The following BAZ1A variants were observed in gnomAD, a reference collection of about 807,000 sequenced individuals.
The protein encoded by BAZ1A is bromodomain adjacent to zinc finger domain protein 1A.
Under a neutral mutation model 185.2 loss-of-function variants are expected in BAZ1A, and 50 were observed. That is an observed-to-expected ratio of 0.27 (90% CI 0.22 to 0.34). The LOEUF (loss-of-function observed/expected upper bound fraction) is 0.34. Ranked by LOEUF, BAZ1A falls within the 10% of genes least tolerant of loss-of-function variation. The pLI is 1.00. For missense variants in BAZ1A, 1,356 were observed against 1,839.9 expected (o/e 0.74, Z 4.81); for synonymous variants, 571 against 615.6 (o/e 0.93, Z 1.07).
At chr14:34,783,739 C>A in intron 15 of BAZ1A, 23 bp downstream of exon 15, 1 of 1,597,214 alleles carries the variant, frequency 6.3e-7, no homozygotes, top group South Asian at 1.1e-5. Flanking sequence ...TTCATTAACA[C>A]AACTATTACA....
chr14:34,774,185 CTT>C (rs1566553160), intron 19 of BAZ1A, 140 bp downstream of exon 19: 7 of 612,508 alleles, frequency 1.1e-5, no homozygotes, highest in South Asian at 3.2e-5. Flanking sequence ...GGGGAATAAA[CTT>C]AAGTTTTCAT....
intron 3 of BAZ1A, among the ~76,000 whole-genome samples, chr14:34,842,902 T>G (rs1213374642): frequency 6.6e-6 from 1 of 151,870 alleles, no homozygotes; most frequent in African/African-American, 2.4e-5. Context: ...TAATAGTACA[T>G]GTATGCTCTC....
intron 4 of BAZ1A, among the ~76,000 whole-genome samples, chr14:34,824,670 A>G (rs1371390266): frequency 6.6e-6 from 1 of 152,228 alleles, no homozygotes; most frequent in African/African-American, 2.4e-5. Flanking sequence ...AGTTATAGCT[A>G]TAATAGTTAA....
intron 23 of BAZ1A, among the ~76,000 whole-genome samples, chr14:34,763,990 AG>A (rs1347300671): frequency 1.3e-5 from 2 of 152,118 alleles, no homozygotes; most frequent in African/African-American, 4.8e-5. Flanking sequence ...CCTCAACCGG[AG>A]GTTCAAGTAA....
intron 12 of BAZ1A, among the ~76,000 whole-genome samples, chr14:34,792,008 T>A (rs1880877239): frequency 1.3e-5 from 2 of 152,198 alleles, no homozygotes; most frequent in Admixed American, 6.5e-5. Context: ...AAGTAAAATT[T>A]TATTTAACTC....
intron 3 of BAZ1A, among the ~76,000 whole-genome samples, chr14:34,829,066 G>C (rs2042202429): frequency 6.6e-6 from 1 of 152,140 alleles, no homozygotes; most frequent in African/African-American, 2.4e-5. Context: ...AGGAGTTCAA[G>C]ACCAGCTTGG....
At chr14:34,758,596 C>G in intron 25 of BAZ1A, 108 bp downstream of exon 25, 2 of 1,166,370 alleles carry the variant, frequency 1.7e-6, no homozygotes, top group South Asian at 3.3e-5. Context: ...ACAACAACAA[C>G]AAAAAAAACT....
intron 3 of BAZ1A, among the ~76,000 whole-genome samples, chr14:34,842,029 T>C (rs759528456): frequency 2.0e-5 from 3 of 152,174 alleles, no homozygotes; most frequent in Non-Finnish European, 4.4e-5. Context: ...TATCTAAAAT[T>C]ATCCTTTTGT....
intron 3 of BAZ1A, among the ~76,000 whole-genome samples, chr14:34,839,369 A>G (rs2042376878): frequency 1.3e-5 from 2 of 151,172 alleles, no homozygotes; most frequent in South Asian, 4.2e-4. Flanking sequence ...GTGAAACTCT[A>G]TGTCTACAAA....
intron 3 of BAZ1A, among the ~76,000 whole-genome samples, chr14:34,852,976 T>C (rs1299754562): frequency 6.6e-6 from 1 of 152,212 alleles, no homozygotes; most frequent in Non-Finnish European, 1.5e-5. Flanking sequence ...TGGTTTTTTG[T>C]TCACTGCTCT....
chr14:34,825,195 T>C (rs2138713381), intron 4 of BAZ1A, among the ~76,000 whole-genome samples: 1 of 152,292 alleles, frequency 6.6e-6, no homozygotes, highest in Admixed American at 6.5e-5. Context: ...GGCTCACGCC[T>C]GTAATCCCAA....
At position 34,794,387 on chromosome 14, in the gene BAZ1A, T is replaced by C. The variant is rs142314263; in HGVS notation, c.1363+362A>G. On this transcript the variant is annotated intron_variant, in intron 11 of 26. Coordinates refer to ENST00000360310, the MANE Select transcript of BAZ1A (RefSeq NM_013448.3). ...CTCCCTGCTCAAGAAGTGGAGTCTA[T>C]TCCACAATCCTGTTGAATCCCACGG... Among the ~76,000 whole-genome samples, 299 of 152,318 alleles carry C rather than the reference T, an allele frequency of 2.0e-3. 3 individuals carry two copies. The East Asian group carries it at 0.024, about 12-fold the overall frequency.
Position 34,792,763 on chromosome 14 carries a change from T to C in BAZ1A, c.1510+12A>G, listed in dbSNP as rs1880936608. ...TACTATGGTTCAATCAGCAATAATG[T>C]TGAACTCTGACCTTTGGTGTCAGCA... On this transcript the variant is annotated intron_variant, in intron 12 of 26. Transcript: ENST00000360310. 7.4e-6 allele frequency: 12 copies of C among 1,612,348 alleles called. No homozygotes were observed. The highest frequency in any genetic ancestry group is 1.0e-5 in the Non-Finnish European group (12 of 1,179,640).
chr14:34,759,184 T>TGTTTTTTTTTTTTG (rs1555336964), intron 24 of BAZ1A, among the ~76,000 whole-genome samples: 2 of 108,108 alleles, frequency 1.8e-5, no homozygotes, highest in African/African-American at 7.7e-5. Context: ...TTTTTTTTTT[T>TGTTTTTTTTTTTTG]TTTTTTTTTT....
chr14:34,862,988 CT>C (rs372555589), intron 2 of BAZ1A, among the ~76,000 whole-genome samples: 8,690 of 119,642 alleles, frequency 0.073, 182 homozygotes, highest in Non-Finnish European at 0.094. Flanking sequence ...TCCACTCTCT[CT>C]TTTTTTTTTT....
intron 3 of BAZ1A, among the ~76,000 whole-genome samples, chr14:34,829,339 A>T (rs1341844828): frequency 6.6e-6 from 1 of 151,628 alleles, no homozygotes; most frequent in East Asian, 1.9e-4. Flanking sequence ...AGCTATTCAG[A>T]TCCTACAACT....
chr14:34,819,837 G>A (rs2042060134), intron 4 of BAZ1A, among the ~76,000 whole-genome samples: 2 of 152,172 alleles, frequency 1.3e-5, no homozygotes, highest in South Asian at 2.1e-4. Context: ...GGTACTATAA[G>A]AAACTGCCAA....
intron 3 of BAZ1A, among the ~76,000 whole-genome samples, chr14:34,851,847 G>A (rs1000825475): frequency 1.1e-4 from 16 of 152,196 alleles, no homozygotes; most frequent in African/African-American, 3.9e-4. Context: ...GACCACATAG[G>A]CCGGGCGTGG....
chr14:34,858,343 C>G (rs908346232), intron 3 of BAZ1A, among the ~76,000 whole-genome samples: 1 of 152,034 alleles, frequency 6.6e-6, no homozygotes, highest in Non-Finnish European at 1.5e-5. Flanking sequence ...CTGCAACTTC[C>G]ACCTCCTGGG....
Sources: gnomAD v4.1 joint callset for allele counts (sites outside exome capture counted in the v4.1 genomes callset) on GRCh38, gnomAD v4.1.1 for gene constraint, MANE v1.5 for transcripts, NCBI Gene and HGNC (gene_info 2026-07-23, HGNC 2026-07-21) for gene names.